SHANK2: variants seen among roughly 807,000 people sequenced by gnomAD.
SHANK2 encodes the protein SH3 and multiple ankyrin repeat domains 2, also known as SH3 and multiple ankyrin repeat domains protein 2.
SHANK2 carries 43 observed loss-of-function variants against 133.7 expected under a neutral mutation model. The ratio of observed to expected loss-of-function variants is 0.32; its 90% CI spans 0.25 to 0.41. The LOEUF (loss-of-function observed/expected upper bound fraction) is 0.41, where lower values mean the gene tolerates loss of function less well. Ranked by LOEUF, SHANK2 falls within the 10% of genes least tolerant of loss-of-function variation. SHANK2 has a pLI of 1.00. For synonymous variants in SHANK2, 1,017 were observed against 952.8 expected (o/e 1.07, Z -1.24); for missense variants, 1,994 against 2,235.8 (o/e 0.89, Z 2.18).
chr11:70,899,207 C>T (rs1228179118), intron 10 of SHANK2, among the ~76,000 whole-genome samples: 4 of 152,080 alleles, frequency 2.6e-5, no homozygotes, highest in Admixed American at 6.5e-5. Context: ...GGGAGGGACC[C>T]GGCGGGAGGT....
intron 14 of SHANK2, among the ~76,000 whole-genome samples, chr11:70,754,034 A>T (rs1286175182): frequency 6.6e-6 from 1 of 151,202 alleles, no homozygotes; most frequent in Non-Finnish European, 1.5e-5. Flanking sequence ...CTTGTCTTGA[A>T]CTCCTGACCT....
intron 1 of SHANK2, among the ~76,000 whole-genome samples, chr11:71,244,272 C>A (rs1373603105): frequency 6.6e-6 from 1 of 152,250 alleles, no homozygotes; most frequent in Non-Finnish European, 1.5e-5. Context: ...GAGGGCCTGC[C>A]CCTGGGGTCG....
intron 11 of SHANK2, among the ~76,000 whole-genome samples, chr11:70,847,574 G>A (rs1949015086): frequency 6.6e-6 from 1 of 152,332 alleles, no homozygotes; most frequent in East Asian, 1.9e-4. Context: ...TGGAACGGGG[G>A]ACCAGCACTG....
chr11:71,224,345 C>T (rs950576772), intron 2 of SHANK2, among the ~76,000 whole-genome samples: 53 of 152,182 alleles, frequency 3.5e-4, no homozygotes, highest in African/African-American at 1.2e-3. Context: ...ACGAGGCGCA[C>T]CCCCGTTCAT....
chr11:71,214,528 A>G (rs1252280498), intron 2 of SHANK2, among the ~76,000 whole-genome samples: 2 of 152,076 alleles, frequency 1.3e-5, no homozygotes, highest in African/African-American at 4.8e-5. Flanking sequence ...CCCTAACCAC[A>G]CGTTTCCGAA....
intron 11 of SHANK2, among the ~76,000 whole-genome samples, chr11:70,845,786 G>A (rs1565357293): frequency 6.6e-6 from 1 of 152,204 alleles, no homozygotes; most frequent in African/African-American, 2.4e-5. Context: ...AGAACAAAGC[G>A]AGAAGGAGAG....
intron 8 of SHANK2, among the ~76,000 whole-genome samples, chr11:71,085,726 A>ATAT (rs1565441767): frequency 0.21 from 9,169 of 43,534 alleles, 873 homozygotes; most frequent in Non-Finnish European, 0.26. Flanking sequence ...TATATTATAT[A>ATAT]AAATATAATA....
chr11:70,669,691 G>T (rs1944758079), intron 15 of SHANK2: 1 of 152,614 alleles, frequency 6.6e-6, no homozygotes, highest in African/African-American at 2.4e-5. Context: ...GAAAACAACA[G>T]TGCGGTTAAT....
chr11:70,530,062 G>A (rs1398532840), intron 17 of SHANK2, among the ~76,000 whole-genome samples: 9 of 152,196 alleles, frequency 5.9e-5, no homozygotes, highest in Admixed American at 5.9e-4. Context: ...CCTGGGTACA[G>A]AAGAAGAGAA....
intron 17 of SHANK2, among the ~76,000 whole-genome samples, chr11:70,506,456 A>C (rs191422455): frequency 2.0e-3 from 303 of 152,342 alleles, no homozygotes; most frequent in Non-Finnish European, 3.7e-3. Flanking sequence ...TGAGGCTCCC[A>C]TGGGCCCTGG....
At chr11:70,542,511 C>T (rs953597369) in intron 17 of SHANK2, among the ~76,000 whole-genome samples, 6 of 152,178 alleles carry the variant, frequency 3.9e-5, no homozygotes, top group South Asian at 2.1e-4. Flanking sequence ...CCATGTGTGT[C>T]GTTTGCAGCA....
In SHANK2 at chr11:71,095,383, G is replaced by A. The variant is rs142000875; in HGVS notation, c.593-695C>T. ...AGTGTCTATTACAACAAATCTTTCC[G>A]TCCACTCTTCATCTTTCTAATATGC... On this transcript the variant is annotated intron_variant, in intron 6 of 25. Coordinates refer to ENST00000601538, the MANE Select transcript of SHANK2 (RefSeq NM_012309.5). Among the ~76,000 whole-genome samples, 29 of 152,252 alleles carry A rather than the reference G, an allele frequency of 1.9e-4. No individual in the cohort carries two copies. In the East Asian group the frequency reaches 3.3e-3, roughly 17 times the overall value.
chr11:70,494,999 AGCATCTGCTTC>A (rs1223447087), intron 21 of SHANK2, among the ~76,000 whole-genome samples: 8 of 152,188 alleles, frequency 5.3e-5, no homozygotes, highest in African/African-American at 1.9e-4. Context: ...GTGGATGCTA[AGCATCTGCTTC>A]TCAGGGAACT....
intron 1 of SHANK2, among the ~76,000 whole-genome samples, chr11:71,234,811 G>A (rs1954804394): frequency 6.6e-6 from 1 of 152,122 alleles, no homozygotes; most frequent in Non-Finnish European, 1.5e-5. Context: ...TGGTCCTGCT[G>A]CCCCACAGGC....
intron 10 of SHANK2, among the ~76,000 whole-genome samples, chr11:70,909,856 G>A (rs1057064413): frequency 3.3e-5 from 5 of 152,200 alleles, no homozygotes; most frequent in Non-Finnish European, 4.4e-5. Flanking sequence ...AACGGGGTAC[G>A]CTTGCGTATG....
At chr11:70,742,633 CAG>C (rs1555035008) in intron 14 of SHANK2, among the ~76,000 whole-genome samples, 1 of 152,202 alleles carries the variant, frequency 6.6e-6, no homozygotes, top group Non-Finnish European at 1.5e-5. Flanking sequence ...CCCCGCATGA[CAG>C]AGAGGCAGGC....
intron 15 of SHANK2, among the ~76,000 whole-genome samples, chr11:70,695,012 C>T (rs1555021932): frequency 6.6e-6 from 1 of 152,152 alleles, no homozygotes; most frequent in East Asian, 1.9e-4. Flanking sequence ...AACCCTGCAC[C>T]CGTTATGAAC....
At chr11:70,522,395 A>T (rs1591532766) in intron 17 of SHANK2, among the ~76,000 whole-genome samples, 3 of 152,224 alleles carry the variant, frequency 2.0e-5, no homozygotes, top group Admixed American at 2.0e-4. Context: ...ACAAGAAAGT[A>T]CCAAAGGGGT....
At chr11:71,123,128 G>C (rs1405461195) in intron 3 of SHANK2, among the ~76,000 whole-genome samples, 1 of 152,164 alleles carries the variant, frequency 6.6e-6, no homozygotes, top group Non-Finnish European at 1.5e-5. Context: ...GACGTCAGAA[G>C]ACACTTTGGA....
Sources: allele counts gnomAD v4.1 joint callset (sites outside exome capture counted in the v4.1 genomes callset), GRCh38; gene constraint gnomAD v4.1.1; transcripts MANE v1.5; gene names NCBI Gene and HGNC (gene_info 2026-07-23, HGNC 2026-07-21).